Variants in BCAS3 observed in about 807,000 individuals in gnomAD.
BCAS3 encodes the protein BCAS4/BCAS3 fusion.
Under a neutral mutation model 116.1 loss-of-function variants are expected in BCAS3, and 53 were observed. The observed-to-expected ratio is 0.46, with a 90% confidence interval of 0.37 to 0.57. The LOEUF is 0.57. Ranked by LOEUF, BCAS3 falls within the 20% of genes least tolerant of loss-of-function variation. The pLI, the probability that BCAS3 is intolerant of heterozygous loss-of-function variation, is 0.00. For synonymous variants in BCAS3, 391 were observed against 408.2 expected (o/e 0.96, Z 0.51); for missense variants, 917 against 1,165.4 (o/e 0.79, Z 3.10).
At position 61,307,996 on chromosome 17, in the gene BCAS3, A is replaced by G. The variant is rs147314253; in HGVS notation, c.2426-60331A>G. Among the ~76,000 whole-genome samples, 1 of 152,324 alleles carries G rather than the reference A, an allele frequency of 6.6e-6. No individual in the cohort carries two copies. Among genetic ancestry groups the G allele is most frequent in the East Asian group, 1.9e-4 (1 of 5,182 alleles). ...AGCAGAGAAGTAATCTATTTCATCC[A>G]ATAACCTTTCGTTTTATGTATTTAG... On this transcript the variant is annotated intron_variant, in intron 22 of 23. Transcript: ENST00000407086. The surrounding 1 kb of genome is among the most constrained non-coding windows in gnomAD (Gnocchi z 4.7).
At chr17:61,045,912 T>TA (rs1491467384) in intron 19 of BCAS3, among the ~76,000 whole-genome samples, 1 of 29,244 alleles carries the variant, frequency 3.4e-5, no homozygotes, top group African/African-American at 4.3e-4. Flanking sequence ...TAAATATATA[T>TA]TTATATATAT....
chr17:60,912,452 C>T (rs1373403419), intron 12 of BCAS3, among the ~76,000 whole-genome samples: 2 of 152,088 alleles, frequency 1.3e-5, no homozygotes, highest in African/African-American at 4.8e-5. Context: ...AGATTAACAG[C>T]GTTTCAAGAA....
At chr17:60,765,977 C>T (rs764237375) in intron 6 of BCAS3, among the ~76,000 whole-genome samples, 3 of 152,156 alleles carry the variant, frequency 2.0e-5, no homozygotes, top group Admixed American at 1.3e-4. Flanking sequence ...TAGATCGAAT[C>T]GGCTACTGAA....
At chr17:60,929,449 G>GA (rs2059527121) in intron 13 of BCAS3, among the ~76,000 whole-genome samples, 1 of 151,942 alleles carries the variant, frequency 6.6e-6, no homozygotes, top group South Asian at 2.1e-4. Flanking sequence ...AAAAAATTAA[G>GA]TAAAATGAGG....
chr17:60,939,551 G>A (rs1349126199), intron 13 of BCAS3, among the ~76,000 whole-genome samples: 3 of 152,180 alleles, frequency 2.0e-5, no homozygotes, highest in African/African-American at 7.2e-5. Context: ...ACTGCTACTT[G>A]TAGCAAATAG....
At chr17:60,818,448 A>T (rs1409429713) in intron 7 of BCAS3, among the ~76,000 whole-genome samples, 1 of 152,192 alleles carries the variant, frequency 6.6e-6, no homozygotes, top group East Asian at 1.9e-4. Flanking sequence ...TTATGTTATT[A>T]AATAATTAGA....
At chr17:61,178,172 G>A (rs977194332) in intron 22 of BCAS3, among the ~76,000 whole-genome samples, 1 of 152,062 alleles carries the variant, frequency 6.6e-6, no homozygotes, top group Non-Finnish European at 1.5e-5. Context: ...TTATTCCATG[G>A]ACGTCCTGCT....
At chr17:61,099,644 C>T (rs959866257) in intron 22 of BCAS3, among the ~76,000 whole-genome samples, 6 of 152,130 alleles carry the variant, frequency 3.9e-5, no homozygotes, top group Non-Finnish European at 5.9e-5. Context: ...TACAAGCTTT[C>T]GTTCTATTAG....
intron 7 of BCAS3, among the ~76,000 whole-genome samples, chr17:60,826,617 A>G (rs750515164): frequency 1.2e-4 from 18 of 152,330 alleles, no homozygotes; most frequent in Middle Eastern, 3.4e-3. Flanking sequence ...AATTGGCCAC[A>G]TATTTATTAA....
chr17:60,761,087 T>C (rs1346597253), intron 6 of BCAS3, among the ~76,000 whole-genome samples: 1 of 152,148 alleles, frequency 6.6e-6, no homozygotes, highest in East Asian at 1.9e-4. Flanking sequence ...CTTATCTCTT[T>C]TGTAAATGTC....
chr17:61,193,238 G>T (rs2080255937), intron 22 of BCAS3, among the ~76,000 whole-genome samples: 2 of 152,092 alleles, frequency 1.3e-5, no homozygotes, highest in East Asian at 3.9e-4. Flanking sequence ...CTCCAGCCTG[G>T]GTGACAGAGG....
Position 60,689,669 on chromosome 17 carries a change from T to A in BCAS3, c.139-17T>A, listed in dbSNP as rs1482622389. 3 of 1,552,928 alleles carry A rather than the reference T, an allele frequency of 1.9e-6. No homozygotes were observed. The African/African-American group carries it at 4.1e-5, about 21-fold the overall frequency. On this transcript the variant is annotated splice_polypyrimidine_tract_variant and intron_variant, in intron 3 of 23. Coordinates refer to ENST00000407086, the MANE Select transcript of BCAS3 (RefSeq NM_017679.5). ...CTGTAAAATATGTTTATTCAAATGT[T>A]TCTGTTTACTATGCAGGCTTACAGT...
intron 14 of BCAS3, among the ~76,000 whole-genome samples, chr17:60,989,200 A>G (rs745758820): frequency 6.6e-6 from 1 of 152,186 alleles, no homozygotes; most frequent in African/African-American, 2.4e-5. Context: ...AAACTTAAGT[A>G]TCTGTGAGCT....
At chr17:60,820,787 C>G (rs568331704) in intron 7 of BCAS3, among the ~76,000 whole-genome samples, 2 of 152,216 alleles carry the variant, frequency 1.3e-5, no homozygotes, top group African/African-American at 4.8e-5. Context: ...GAGTAACACT[C>G]TTTAAGCACT....
At chr17:61,092,366 T>C (rs2073648093) in intron 22 of BCAS3, among the ~76,000 whole-genome samples, 1 of 152,178 alleles carries the variant, frequency 6.6e-6, no homozygotes, top group Admixed American at 6.5e-5. Flanking sequence ...AACATATGCA[T>C]ACATTTCCTT....
At chr17:60,917,015 G>A (rs971726193) in intron 12 of BCAS3, among the ~76,000 whole-genome samples, 1 of 152,054 alleles carries the variant, frequency 6.6e-6, no homozygotes, top group African/African-American at 2.4e-5. Context: ...TTCCCAAAAT[G>A]TTAAACAGAG....
intron 14 of BCAS3, among the ~76,000 whole-genome samples, chr17:60,979,695 T>C (rs1422281809): frequency 6.6e-6 from 1 of 151,808 alleles, no homozygotes; most frequent in Non-Finnish European, 1.5e-5. Context: ...ATTGAGAGTT[T>C]TTAGCATGAA....
At position 61,148,791 on chromosome 17, in the gene BCAS3, C is replaced by T. The variant is rs948603632; in HGVS notation, c.2425+64227C>T. On this transcript the variant is annotated intron_variant, in intron 22 of 23. Transcript: ENST00000407086. ...AAAAACTATGTTGTTATTGCGCTTCCTCATCTGGTTCCCTAAACTCATGAA... is the reference window on the plus strand; with the variant it reads ...AAAAACTATGTTGTTATTGCGCTTCTTCATCTGGTTCCCTAAACTCATGAA... Among the ~76,000 whole-genome samples the T allele has an allele frequency of 4.6e-5, 7 of 152,190 alleles. No homozygotes were observed. In the East Asian group the frequency reaches 1.3e-3, roughly 29 times the overall value.
intron 7 of BCAS3, among the ~76,000 whole-genome samples, chr17:60,840,288 T>C (rs1419027617): frequency 6.6e-6 from 1 of 152,218 alleles, no homozygotes; most frequent in Non-Finnish European, 1.5e-5. Flanking sequence ...ATCTGTCTAC[T>C]ATACCATTTT....
Sources: allele counts gnomAD v4.1 joint callset (sites outside exome capture counted in the v4.1 genomes callset), GRCh38; gene constraint gnomAD v4.1.1; non-coding constraint Gnocchi (gnomAD v3.1); transcripts MANE v1.5; gene names NCBI Gene and HGNC (gene_info 2026-07-23, HGNC 2026-07-21).